The following KRT8 variants were observed in gnomAD, a reference collection of about 807,000 sequenced individuals.
KRT8 encodes the protein keratin, type II cytoskeletal 8.
Under a neutral mutation model 43.0 loss-of-function variants are expected in KRT8, and 24 were observed. The observed-to-expected ratio is 0.56, with a 90% confidence interval of 0.40 to 0.78. The LOEUF (loss-of-function observed/expected upper bound fraction) is 0.78, where lower values mean the gene tolerates loss of function less well. Ranked by LOEUF, KRT8 falls within the 30% of genes least tolerant of loss-of-function variation. The probability of loss-of-function intolerance (pLI) is 0.00; values close to 1 mark genes in which losing one functional copy is unlikely to be tolerated. For missense variants in KRT8, 492 were observed against 638.4 expected (o/e 0.77, Z 2.47); for synonymous variants, 214 against 261.2 (o/e 0.82, Z 1.74).
intron 4 of KRT8, 24 bp downstream of exon 4, chr12:52,900,564 A>C: frequency 6.6e-7 from 1 of 1,507,876 alleles, no homozygotes; most frequent in Non-Finnish European, 9.2e-7. Context: ...GGGGACCCTC[A>C]CTCTCCTGCG....
chr12:52,919,699 T>C (rs1941846452), intron 2 of KRT8, among the ~76,000 whole-genome samples: 2 of 151,984 alleles, frequency 1.3e-5, no homozygotes, highest in South Asian at 4.2e-4. Context: ...CAGGCTGGAG[T>C]GCAGTGGCAC....
chr12:52,925,496 G>T (rs1326900468), intron 2 of KRT8, among the ~76,000 whole-genome samples: 2 of 152,188 alleles, frequency 1.3e-5, no homozygotes, highest in South Asian at 2.1e-4. Context: ...TTCCCCTGCA[G>T]GTATCCCCCT....
chr12:52,901,767 T>G (rs2035876), intron 2 of KRT8, 97 bp downstream of exon 2: 629,621 of 863,336 alleles, frequency 0.73, 232,334 homozygotes, highest in African/African-American at 0.93. Context: ...GGACTGCACT[T>G]CCCACAACAG....
chr12:52,944,282 G>C (rs938929304), intron 2 of KRT8, among the ~76,000 whole-genome samples: 1 of 152,194 alleles, frequency 6.6e-6, no homozygotes, highest in Non-Finnish European at 1.5e-5. Context: ...ATTTCATAGA[G>C]ACAGGGTCTT....
intron 2 of KRT8, among the ~76,000 whole-genome samples, chr12:52,932,763 A>G (rs796732063): frequency 8.5e-5 from 13 of 152,102 alleles, no homozygotes; most frequent in African/African-American, 2.9e-4. Flanking sequence ...ATGATCACCA[A>G]TGCACTCCAG....
rs1362972258 is a variant in KRT8, at chr12:52,901,967, T to C, written c.430A>G (p.Ile144Val). ...TCCAGCTGCCGCCTAAGGTTGTTGATGTAGCTCTCGAACATGTTGTCCATG... is the reference window on the plus strand; with the variant it reads ...TCCAGCTGCCGCCTAAGGTTGTTGACGTAGCTCTCGAACATGTTGTCCATG... Residue 144 changes from isoleucine (I) to valine (V), a missense_variant, in exon 2 of 8, where the codon ATC (isoleucine) becomes GTC (valine). Coordinates refer to ENST00000692008, the Ensembl canonical transcript of KRT8. The C allele has an allele frequency of 2.5e-6, 4 of 1,607,956 alleles. No individual in the cohort carries two copies. In the South Asian group the frequency reaches 4.4e-5, roughly 18 times the overall value.
At chr12:52,918,155 G>GGAAGAAGAAGAGGAAAA (rs1863836501) in intron 2 of KRT8, among the ~76,000 whole-genome samples, 1 of 76,178 alleles carries the variant, frequency 1.3e-5, no homozygotes, top group African/African-American at 5.3e-5. Context: ...GAGGGAGAAG[G>GGAAGAAGAAGAGGAAAA]GGAAGAAGAA....
At chr12:52,935,378 CAAAAAAAAAAAAAAAAAA>C (rs71092794) in intron 2 of KRT8, among the ~76,000 whole-genome samples, 6 of 23,752 alleles carry the variant, frequency 2.5e-4, no homozygotes, top group East Asian at 2.7e-3. Flanking sequence ...GACTCTGTCT[CAAAAAAAAAAAAAAAAAA>C]AAAAAAAAAA....
intron 2 of KRT8, among the ~76,000 whole-genome samples, chr12:52,938,877 A>G (rs1942222652): frequency 6.6e-6 from 1 of 152,068 alleles, no homozygotes; most frequent in African/African-American, 2.4e-5. Flanking sequence ...TTGACCTCCC[A>G]AAGTGCTGGG....
chr12:52,949,041 T>G, intron 2 of KRT8: 2 of 852,948 alleles, frequency 2.3e-6, no homozygotes, highest in Non-Finnish European at 3.8e-6. Flanking sequence ...CACCTGTGGC[T>G]CCGGCTTCCG....
chr12:52,949,731 G>A (rs539005107), exon 1 of KRT8: 4 of 786,562 alleles, frequency 5.1e-6, no homozygotes, highest in Middle Eastern at 2.2e-4. Context: ...TTCCATCCGC[G>A]CACCTAGCCA....
chr12:52,898,955 G>A (rs377180755), intron 5 of KRT8, 56 bp from the exon 6 acceptor site: 18 of 1,509,128 alleles, frequency 1.2e-5, no homozygotes, highest in East Asian at 9.1e-5. Context: ...CTCTTCTCCC[G>A]TGCTCCCACC....
chr12:52,949,416 G>A (rs1942429076), intron 2 of KRT8: 2 of 1,612,704 alleles, frequency 1.2e-6, no homozygotes, highest in Non-Finnish European at 1.7e-6. Flanking sequence ...AGAACGAGAA[G>A]GAGACCATGC....
chr12:52,924,322 G>A (rs559861208), intron 2 of KRT8, among the ~76,000 whole-genome samples: 5 of 152,024 alleles, frequency 3.3e-5, no homozygotes, highest in Admixed American at 1.3e-4. Context: ...GGTGGCGGGC[G>A]TCTGTAGTCC....
chr12:52,923,853 A>T (rs868688012), intron 2 of KRT8, among the ~76,000 whole-genome samples: 23 of 148,482 alleles, frequency 1.5e-4, no homozygotes, highest in African/African-American at 4.4e-4. Flanking sequence ...AGCATTATAT[A>T]TTTTTTTTTT....
At position 52,918,996 on chromosome 12, in the gene KRT8, G is replaced by T. The variant is rs139276302; in HGVS notation, c.-46-13969C>A. Among the ~76,000 whole-genome samples the T allele has an allele frequency of 9.4e-3, 1,432 of 152,284 alleles. 14 individuals are homozygous for T. The highest frequency in any genetic ancestry group is 0.014 in the Non-Finnish European group (958 of 68,022). On this transcript the variant is annotated intron_variant, in intron 2 of 6. Coordinates refer to the KRT8 transcript ENST00000546826. ...TGGAAGAAAGTGCTAGCTCAGCAGG[G>T]TGGAGGGTAACTAGGAGGTGGCAAT...
intron 2 of KRT8, among the ~76,000 whole-genome samples, chr12:52,943,254 CCT>C (rs915973311): frequency 6.6e-6 from 1 of 152,092 alleles, no homozygotes; most frequent in Non-Finnish European, 1.5e-5. Flanking sequence ...TCCACTTGGT[CCT>C]CTCTCTCCTC....
Position 52,901,345 on chromosome 12 carries a change from G to A in KRT8, c.534-126C>T, listed in dbSNP as rs564430514. 1.8e-5 allele frequency: 14 copies of A among 762,532 alleles called. No homozygotes were observed. In the African/African-American group the frequency reaches 2.0e-4, roughly 11 times the overall value. 47.2% of individuals were successfully genotyped at this position (762,532 alleles called of 1,614,324 possible). On this transcript the variant is annotated intron_variant, in intron 2 of 7. Coordinates refer to ENST00000692008, the Ensembl canonical transcript of KRT8. ...TCACAGAGATGCAGGATATGAGAAG[G>A]CTGGTCCTTCTGCCTTCCCCAGCTG... is the stretch of plus-strand genomic sequence containing the variant.
chr12:52,938,170 A>ATTT lies in KRT8; in HGVS notation c.-47+11283_-47+11285dup, dbSNP rs780140219. On this transcript the variant is annotated intron_variant, in intron 2 of 6. Coordinates refer to the KRT8 transcript ENST00000546826. ...TATATATATATATATATATATATAT[A>ATTT]TTTTTTTTTTTTTTTATATATAAGG... is the stretch of plus-strand genomic sequence containing the variant. 1.7e-3 allele frequency among the ~76,000 whole-genome samples: 51 copies of ATTT among 30,268 alleles called. 2 individuals carry two copies. Among genetic ancestry groups the ATTT allele is most frequent in the East Asian group, 3.4e-3 (3 of 884 alleles). The allele number at this position is 30,268 out of a possible 152,430, so 19.9% of individuals were successfully genotyped here.
Sources: allele counts gnomAD v4.1 joint callset (sites outside exome capture counted in the v4.1 genomes callset), GRCh38; gene constraint gnomAD v4.1.1; transcripts MANE v1.5; gene names NCBI Gene and HGNC (gene_info 2026-07-23, HGNC 2026-07-21).